Variants in MPDZ observed in about 807,000 individuals in gnomAD.
The protein encoded by MPDZ is multiple PDZ domain protein.
Under a neutral mutation model 239.1 loss-of-function variants are expected in MPDZ, and 234 were observed. The observed-to-expected ratio is 0.98, with a 90% confidence interval of 0.88 to 1.09. The LOEUF is 1.09. MPDZ is among the 50% of genes least tolerant of loss of function. The pLI, the probability that MPDZ is intolerant of heterozygous loss-of-function variation, is 0.00. For synonymous variants in MPDZ, 1,048 were observed against 881.3 expected, an observed-to-expected ratio of 1.19 and a Z score of -3.35; for missense variants, 3,175 against 2,510.0, an observed-to-expected ratio of 1.26 and a Z score of -5.66.
chr9:13,278,859 C>A (rs1034397491), intron 1 of MPDZ, among the ~76,000 whole-genome samples: 1 of 151,952 alleles, frequency 6.6e-6, no homozygotes, highest in Non-Finnish European at 1.5e-5. Context: ...CCCGGGACCA[C>A]GTAACGGCGG....
At position 13,106,904 on chromosome 9, in the gene MPDZ, G is replaced by C; in HGVS notation, c.*61C>G. On this transcript the variant is annotated 3_prime_UTR_variant, in exon 47 of 47. Transcript: ENST00000319217. ...CAGCATAAAAATTGTCAGGACCAGT[G>C]CATTCTCTTTACAGTAGGAGGTGAG... 6.3e-7 allele frequency: 1 copy of C among 1,578,396 alleles called. No homozygotes were observed. Among genetic ancestry groups the C allele is most frequent in the South Asian group, 1.1e-5 (1 of 88,456 alleles).
At chr9:13,154,458 A>G (rs1587319484) in intron 24 of MPDZ, among the ~76,000 whole-genome samples, 1 of 152,178 alleles carries the variant, frequency 6.6e-6, no homozygotes. Flanking sequence ...TCTGGGTTCC[A>G]GTCCTGCTCT....
intron 3 of MPDZ, among the ~76,000 whole-genome samples, chr9:13,237,441 C>CAA (rs71331532): frequency 4.4e-4 from 24 of 54,660 alleles, no homozygotes; most frequent in African/African-American, 1.0e-3. Context: ...GACACTGTCT[C>CAA]AAAAAAAAAA....
At chr9:13,250,516 G>A (rs749896447) in intron 1 of MPDZ, 144 bp from the exon 2 acceptor site, 47 of 499,510 alleles carry the variant, frequency 9.4e-5, no homozygotes, top group Non-Finnish European at 1.4e-4. Context: ...TCGCTTTACA[G>A]ACAATAAAGT....
chr9:13,250,355 A>G lies in MPDZ; in HGVS notation c.-40T>C. On this transcript the variant is annotated 5_prime_UTR_variant, in exon 2 of 47. Coordinates refer to ENST00000319217, the MANE Select transcript of MPDZ (RefSeq NM_001378778.1). Reference sequence around the variant, plus strand: ...AGTGTTCTTCTCTGAAATGATTAACAGCAATTAAAATGGAACTCTGTGCAA... The same window carrying G: ...AGTGTTCTTCTCTGAAATGATTAACGGCAATTAAAATGGAACTCTGTGCAA... 2 of 1,558,360 alleles carry G rather than the reference A, an allele frequency of 1.3e-6. No homozygotes were observed. The highest frequency in any genetic ancestry group is 1.9e-5 in the Admixed American group (1 of 53,402).
In MPDZ at chr9:13,250,379, A is replaced by G. The variant is rs978941868; in HGVS notation, c.-57-7T>C. 7 of 1,410,982 alleles carry G rather than the reference A, an allele frequency of 5.0e-6. No individual in the cohort carries two copies. The highest frequency in any genetic ancestry group is 6.9e-6 in the Non-Finnish European group (7 of 1,020,566). The allele number at this position is 1,410,982 out of a possible 1,614,324, so 87.4% of individuals were successfully genotyped here. A position where few individuals can be genotyped will look rare whatever the true frequency, so the allele number is the denominator to read the frequency against. On this transcript the variant is annotated splice_region_variant and splice_polypyrimidine_tract_variant and intron_variant, in intron 1 of 46. Coordinates refer to ENST00000319217, the MANE Select transcript of MPDZ (RefSeq NM_001378778.1). ...CAGCAATTAAAATGGAACTCTGTGC[A>G]AAAAAGAAATAGAATGGTTATGTTT... is the stretch of plus-strand genomic sequence containing the variant.
intron 24 of MPDZ, among the ~76,000 whole-genome samples, chr9:13,157,224 C>T (rs1299648308): frequency 6.6e-6 from 1 of 151,956 alleles, no homozygotes; most frequent in East Asian, 1.9e-4. Context: ...GTGATGGTGA[C>T]CTTTAGGTCT....
intron 45 of MPDZ, among the ~76,000 whole-genome samples, 200 bp downstream of exon 45, chr9:13,109,752 C>T (rs1372629798): frequency 6.6e-6 from 1 of 152,182 alleles, no homozygotes; most frequent in Non-Finnish European, 1.5e-5. Flanking sequence ...AGTTATCTAT[C>T]TCTACTTATC....
rs910261221 is a variant in MPDZ at position 13,224,255 on chromosome 9, T to C, written c.393+119A>G. Reference sequence around the variant, plus strand: ...TCTAAACTCCCACAAAACTGACTTTTTGTTCCAATGTTTTCAGATGTTATA... The same window carrying C: ...TCTAAACTCCCACAAAACTGACTTTCTGTTCCAATGTTTTCAGATGTTATA... On this transcript the variant is annotated intron_variant, in intron 4 of 46. Transcript: ENST00000319217. 9.3e-6 allele frequency: 9 copies of C among 970,870 alleles called. 1 individual carries two copies. The South Asian group carries it at 1.4e-4, about 15-fold the overall frequency. 60.1% of individuals were successfully genotyped at this position (970,870 alleles called of 1,614,324 possible).
At chr9:13,220,137 A>G (rs937194504) in intron 7 of MPDZ, among the ~76,000 whole-genome samples, 4 of 152,000 alleles carry the variant, frequency 2.6e-5, no homozygotes, top group African/African-American at 7.2e-5. Context: ...TCACCATGCA[A>G]ATATATATTA....
intron 1 of MPDZ, among the ~76,000 whole-genome samples, chr9:13,261,071 T>C (rs1450239022): frequency 6.6e-6 from 1 of 152,170 alleles, no homozygotes; most frequent in Non-Finnish European, 1.5e-5. Flanking sequence ...CAGTGTCTCT[T>C]AAGAACTTAA....
At chr9:13,202,326 G>T (rs1389366290) in intron 12 of MPDZ, among the ~76,000 whole-genome samples, 1 of 152,112 alleles carries the variant, frequency 6.6e-6, no homozygotes, top group Non-Finnish European at 1.5e-5. Flanking sequence ...TCCAGCCTGG[G>T]GAAGATTTAA....
chr9:13,136,320 G>GTTTTTTGTT (rs1444109820), intron 30 of MPDZ, 138 bp from the exon 31 acceptor site: 1 of 192,916 alleles, frequency 5.2e-6, no homozygotes, highest in Non-Finnish European at 8.3e-6. Context: ...ATTTACAAAC[G>GTTTTTTGTT]TTTTCTTTTT....
At chr9:13,114,691 G>C (rs953973381) in intron 40 of MPDZ, among the ~76,000 whole-genome samples, 1 of 152,070 alleles carries the variant, frequency 6.6e-6, no homozygotes, top group African/African-American at 2.4e-5. Context: ...CACGAGGTCA[G>C]GCGTTTGAGA....
intron 10 of MPDZ, among the ~76,000 whole-genome samples, chr9:13,211,339 T>G (rs959956932): frequency 6.6e-6 from 1 of 152,064 alleles, no homozygotes; most frequent in Non-Finnish European, 1.5e-5. Context: ...ACCTAATAAA[T>G]CCTCTTTGTC....
chr9:13,235,707 A>T (rs1293312762), intron 3 of MPDZ, among the ~76,000 whole-genome samples: 1 of 152,194 alleles, frequency 6.6e-6, no homozygotes. Context: ...ATGCTGATGG[A>T]GTCATTTTAA....
Position 13,250,333 on chromosome 9 carries a change from GTTC to G in MPDZ, c.-21_-19del. On this transcript the variant is annotated 5_prime_UTR_variant, in exon 2 of 47. Transcript: ENST00000319217. ...TCCAACATTTTTTTCAAAGTTCAGT[GTTC>G]TTCTCTGAAATGATTAACAGCAATT... 6.3e-7 allele frequency: 1 copy of G among 1,581,858 alleles called. No individual in the cohort carries two copies. Among genetic ancestry groups the G allele is most frequent in the Non-Finnish European group, 8.6e-7 (1 of 1,162,200 alleles).
At chr9:13,247,965 G>T (rs758078306) in intron 2 of MPDZ, among the ~76,000 whole-genome samples, 164 bp from the exon 3 acceptor site, 1 of 152,144 alleles carries the variant, frequency 6.6e-6, no homozygotes, top group Non-Finnish European at 1.5e-5. Flanking sequence ...AGTGGCTCAT[G>T]CCTGTAATCC....
chr9:13,221,338 A>T, intron 7 of MPDZ, 34 bp downstream of exon 7: 1 of 1,558,686 alleles, frequency 6.4e-7, no homozygotes, highest in South Asian at 1.3e-5. Context: ...ATTATTTGAT[A>T]AAATAGCATA....
Sources: gnomAD v4.1 joint callset for allele counts (sites outside exome capture counted in the v4.1 genomes callset) on GRCh38, gnomAD v4.1.1 for gene constraint, MANE v1.5 for transcripts, NCBI Gene and HGNC (gene_info 2026-07-23, HGNC 2026-07-21) for gene names.